Variants in SREBF2 observed in about 807,000 individuals in gnomAD.
The protein encoded by SREBF2 is sterol regulatory element binding transcription factor 2, also known as sterol regulatory element-binding protein 2.
Under a neutral mutation model 113.1 loss-of-function variants are expected in SREBF2, and 55 were observed. The ratio of observed to expected loss-of-function variants is 0.49; its 90% CI spans 0.39 to 0.61. The LOEUF is 0.61. SREBF2 is among the 20% of genes least tolerant of loss of function. The pLI is 0.00. For synonymous variants in SREBF2, 593 were observed against 605.7 expected, an observed-to-expected ratio of 0.98 and a Z score of 0.31; for missense variants, 1,349 against 1,487.4, an observed-to-expected ratio of 0.91 and a Z score of 1.53.
At chr22:41,893,500 A>G (rs957354205) in intron 12 of SREBF2, among the ~76,000 whole-genome samples, 1 of 152,152 alleles carries the variant, frequency 6.6e-6, no homozygotes, top group African/African-American at 2.4e-5. Flanking sequence ...TCAGTGGCTA[A>G]GCTGGGTGTG....
chr22:41,871,473 TAAAATTTAGAAGCAC>T (rs2077140454), intron 4 of SREBF2, among the ~76,000 whole-genome samples: 2 of 152,158 alleles, frequency 1.3e-5, no homozygotes, highest in Admixed American at 6.5e-5. Flanking sequence ...AAATGGTGAT[TAAAATTTAGAAGCAC>T]TAGCTTTATT....
intron 1 of SREBF2, among the ~76,000 whole-genome samples, chr22:41,850,195 A>T (rs2076915011): frequency 6.6e-6 from 1 of 152,008 alleles, no homozygotes; most frequent in Non-Finnish European, 1.5e-5. Flanking sequence ...TACGCCTGTA[A>T]TCCCAGCACT....
At chr22:41,903,902 C>T (rs2077484478) in intron 17 of SREBF2, among the ~76,000 whole-genome samples, 1 of 152,196 alleles carries the variant, frequency 6.6e-6, no homozygotes, top group Admixed American at 6.5e-5. Context: ...CAAGCCAAGA[C>T]AGACACAACA....
rs536790195 is a variant in SREBF2, at chr22:41,849,398, C to T, written c.88+16040C>T. 2.2e-3 allele frequency among the ~76,000 whole-genome samples: 328 copies of T among 152,056 alleles called. 2 individuals carry two copies. Among genetic ancestry groups the T allele is most frequent in the African/African-American group, 7.4e-3 (309 of 41,478 alleles). ...GAGAAATGGGGTTTCACCATGTTAC[C>T]AGGCCAGGCTGGTCTTGAACTCCTG... On this transcript the variant is annotated intron_variant, in intron 1 of 18. Coordinates refer to ENST00000361204, the MANE Select transcript of SREBF2 (RefSeq NM_004599.4).
intron 1 of SREBF2, among the ~76,000 whole-genome samples, chr22:41,839,725 T>C (rs1456068872): frequency 6.6e-6 from 1 of 152,212 alleles, no homozygotes; most frequent in Non-Finnish European, 1.5e-5. Flanking sequence ...TGCAGTGTAG[T>C]GTTCCATTGC....
At chr22:41,898,217 G>A (rs2077432885) in intron 14 of SREBF2, among the ~76,000 whole-genome samples, 1 of 152,082 alleles carries the variant, frequency 6.6e-6, no homozygotes, top group Non-Finnish European at 1.5e-5. Context: ...AGGTTCAAGC[G>A]ATTCTCTTGC....
rs149140427 is a variant in SREBF2, at chr22:41,879,588, G to T, written c.1762-1128G>T. ...CCTGCCTCCTTTGGAATCTGCAAAT[G>T]CAGGTCCTTCTGGCTGGAAAGATAG... On this transcript the variant is annotated intron_variant, in intron 9 of 18. Transcript: ENST00000361204. 3.2e-3 allele frequency among the ~76,000 whole-genome samples: 487 copies of T among 152,336 alleles called. 1 individual carries two copies. The highest frequency in any genetic ancestry group is 5.9e-3 in the Non-Finnish European group (401 of 68,030).
At chr22:41,859,888 C>G (rs2148366186) in intron 1 of SREBF2, among the ~76,000 whole-genome samples, 1 of 140,232 alleles carries the variant, frequency 7.1e-6, no homozygotes, top group Admixed American at 7.7e-5. Flanking sequence ...TCGGTGCAAG[C>G]TCCGCCTCCC....
At chr22:41,891,393 T>G (rs2077361488) in intron 11 of SREBF2, 2 of 152,168 alleles carry the variant, frequency 1.3e-5, no homozygotes, top group African/African-American at 4.8e-5. Context: ...TCCCAGTGAT[T>G]AGAAATGTAA....
At chr22:41,900,119 G>A (rs2077452482) in intron 15 of SREBF2, 1 of 1,456,374 alleles carries the variant, frequency 6.9e-7, no homozygotes, top group Non-Finnish European at 9.1e-7. Flanking sequence ...AGCATTGAAT[G>A]AAGGTGCTAA....
intron 12 of SREBF2, among the ~76,000 whole-genome samples, chr22:41,893,752 G>A (rs1377612073): frequency 6.6e-6 from 1 of 152,190 alleles, no homozygotes; most frequent in Admixed American, 6.5e-5. Flanking sequence ...TGGTGACAGG[G>A]ACGAGGCTTC....
At chr22:41,902,879 T>G (rs1350781007) in intron 16 of SREBF2, 91 bp from the exon 17 acceptor site, 1 of 1,362,102 alleles carries the variant, frequency 7.3e-7, no homozygotes. Context: ...TGCTGAGTGT[T>G]GGTCTGGGGA....
intron 11 of SREBF2, among the ~76,000 whole-genome samples, chr22:41,891,637 A>C (rs1356298550): frequency 6.6e-6 from 1 of 152,218 alleles, no homozygotes; most frequent in Non-Finnish European, 1.5e-5. Flanking sequence ...AGTAAAGGTC[A>C]GAACCATCAG....
chr22:41,904,279 A>C (rs944791796), intron 17 of SREBF2, among the ~76,000 whole-genome samples: 3 of 152,186 alleles, frequency 2.0e-5, no homozygotes, highest in African/African-American at 7.2e-5. Context: ...ACTTGGCAGC[A>C]CTGAAGACCC....
intron 11 of SREBF2, among the ~76,000 whole-genome samples, chr22:41,888,000 C>T (rs1761922027): frequency 6.6e-6 from 1 of 152,150 alleles, no homozygotes; most frequent in Non-Finnish European, 1.5e-5. Flanking sequence ...GACTATCTGT[C>T]GTCTCATTGA....
intron 1 of SREBF2, among the ~76,000 whole-genome samples, chr22:41,836,232 C>T (rs976244177): frequency 6.6e-6 from 1 of 152,230 alleles, no homozygotes; most frequent in Non-Finnish European, 1.5e-5. Flanking sequence ...TCCATGTCTT[C>T]AGTTGATCAA....
intron 1 of SREBF2, among the ~76,000 whole-genome samples, chr22:41,842,623 G>A (rs1362359910): frequency 3.9e-5 from 6 of 152,190 alleles, no homozygotes; most frequent in African/African-American, 7.2e-5. Flanking sequence ...GCGGTTACCA[G>A]AAGTGGGATT....
chr22:41,880,963 A>T lies in SREBF2; in HGVS notation c.2009A>T (p.Tyr670Phe). 2.5e-6 allele frequency: 4 copies of T among 1,609,762 alleles called. No homozygotes were observed. The highest frequency in any genetic ancestry group is 3.4e-6 in the Non-Finnish European group (4 of 1,179,824). Residue 670 changes from tyrosine (Y) to phenylalanine (F), a missense_variant, in exon 10 of 19, where the codon TAT becomes TTT. This residue lies in a region of SREBF2 where 650 missense variants were observed against 644.1 expected (regional missense o/e 1.01). Transcript: ENST00000361204. ...KTSARDAALA[Y>F]HRLHQLHITG... ...AGCGCCCGGGATGCGGCTCTGGCCTATCACCGGCTGCACCAGCTGCACATC... is the reference window on the plus strand; with the variant it reads ...AGCGCCCGGGATGCGGCTCTGGCCTTTCACCGGCTGCACCAGCTGCACATC...
chr22:41,895,362 A>AC (rs1412289873), intron 13 of SREBF2, among the ~76,000 whole-genome samples: 1 of 144,544 alleles, frequency 6.9e-6, no homozygotes, highest in Non-Finnish European at 1.5e-5. Context: ...GATGGTCTCG[A>AC]CCTCGTGATC....
Sources: gnomAD v4.1 joint callset for allele counts (sites outside exome capture counted in the v4.1 genomes callset) on GRCh38, gnomAD v4.1.1 for gene constraint, gnomAD v4.1.1 regional missense constraint, MANE v1.5 for transcripts, NCBI Gene and HGNC (gene_info 2026-07-23, HGNC 2026-07-21) for gene names.